The following FSTL5 variants were observed in gnomAD, a reference collection of about 807,000 sequenced individuals.
FSTL5 encodes the protein follistatin like 5.
In FSTL5, 62 loss-of-function variants were observed where a neutral mutation model predicts 89.1. The ratio of observed to expected loss-of-function variants is 0.70; its 90% CI spans 0.57 to 0.86. FSTL5 has a LOEUF of 0.86. Among genes scored for constraint, FSTL5 ranks in the 40% least tolerant of loss-of-function variants. FSTL5 has a pLI of 0.00. For missense variants in FSTL5, 1,057 were observed against 1,001.6 expected (o/e 1.06, Z -0.75); for synonymous variants, 383 against 346.2 (o/e 1.11, Z -1.18).
intron 8 of FSTL5, among the ~76,000 whole-genome samples, chr4:161,563,004 G>A (rs1484737397): frequency 6.6e-6 from 1 of 151,942 alleles, no homozygotes; most frequent in Non-Finnish European, 1.5e-5. Context: ...TCTGAAGGAT[G>A]TAACAACAAC....
chr4:161,870,206 ATG>A (rs1732218205), intron 4 of FSTL5, among the ~76,000 whole-genome samples: 1 of 152,206 alleles, frequency 6.6e-6, no homozygotes, highest in African/African-American at 2.4e-5. Flanking sequence ...AACACAGTAT[ATG>A]GCATATATAA....
intron 15 of FSTL5, among the ~76,000 whole-genome samples, chr4:161,398,690 G>T (rs1054903153): frequency 6.6e-6 from 1 of 152,046 alleles, no homozygotes; most frequent in Non-Finnish European, 1.5e-5. Context: ...TAATTTTAAA[G>T]AGTGCTCAAT....
chr4:161,682,975 G>T (rs1475905974), intron 6 of FSTL5, among the ~76,000 whole-genome samples: 1 of 152,060 alleles, frequency 6.6e-6, no homozygotes, highest in East Asian at 1.9e-4. Flanking sequence ...TCGAACTCCT[G>T]ACCTCGTGAT....
chr4:161,577,599 G>C (rs1252751563), intron 8 of FSTL5, among the ~76,000 whole-genome samples: 1 of 151,890 alleles, frequency 6.6e-6, no homozygotes, highest in East Asian at 1.9e-4. Flanking sequence ...AAGGATACGA[G>C]AAGTTGGAAT....
At chr4:161,407,721 T>C (rs1731434890) in intron 15 of FSTL5, among the ~76,000 whole-genome samples, 1 of 152,160 alleles carries the variant, frequency 6.6e-6, no homozygotes, top group East Asian at 1.9e-4. Flanking sequence ...TGCTTCCCCA[T>C]GGGACTGGGA....
intron 1 of FSTL5, among the ~76,000 whole-genome samples, chr4:162,138,609 A>G (rs1048735281): frequency 6.6e-6 from 1 of 152,128 alleles, no homozygotes; most frequent in Non-Finnish European, 1.5e-5. Context: ...CATACTGTTT[A>G]GGATTGTACT....
chr4:161,540,474 C>A (rs528331114), intron 9 of FSTL5, among the ~76,000 whole-genome samples: 3 of 152,106 alleles, frequency 2.0e-5, no homozygotes, highest in African/African-American at 4.8e-5. Context: ...AGAAAGCAAC[C>A]TCAAAACTTT....
chr4:161,858,623 T>C (rs1236303802), intron 4 of FSTL5, among the ~76,000 whole-genome samples: 1 of 152,342 alleles, frequency 6.6e-6, no homozygotes, highest in African/African-American at 2.4e-5. Flanking sequence ...GAAATGGTAA[T>C]TCTAATTCTT....
chr4:162,048,660 A>G (rs989699825), intron 2 of FSTL5, among the ~76,000 whole-genome samples: 1 of 152,026 alleles, frequency 6.6e-6, no homozygotes, highest in Non-Finnish European at 1.5e-5. Context: ...TTATAAGTAT[A>G]TTATTATTCC....
Position 162,072,008 on chromosome 4 carries a change from C to G in FSTL5, c.127-38350G>C, listed in dbSNP as rs944728669. Among the ~76,000 whole-genome samples the G allele has an allele frequency of 7.9e-5, 12 of 151,668 alleles. No individual in the cohort carries two copies. In the Admixed American group the frequency reaches 7.9e-4, roughly 10 times the overall value. Reference sequence around the variant, plus strand: ...CATCAGTTATGATAAAATGGTATCACTGCTTATATATTAGATGTGTCATTG... The same window carrying G: ...CATCAGTTATGATAAAATGGTATCAGTGCTTATATATTAGATGTGTCATTG... On this transcript the variant is annotated intron_variant, in intron 2 of 15. Transcript: ENST00000306100.
intron 6 of FSTL5, among the ~76,000 whole-genome samples, chr4:161,688,859 A>G (rs1024931499): frequency 2.0e-5 from 3 of 152,100 alleles, no homozygotes; most frequent in Non-Finnish European, 4.4e-5. Context: ...ATCCTTTTTA[A>G]TTGGAATTTT....
intron 3 of FSTL5, among the ~76,000 whole-genome samples, chr4:161,961,020 A>G (rs1735159696): frequency 2.0e-5 from 3 of 152,152 alleles, no homozygotes; most frequent in African/African-American, 7.2e-5. Context: ...TTTAATTTAT[A>G]CTATTTTAAT....
At position 162,044,407 on chromosome 4, in the gene FSTL5, C is replaced by T. The variant is rs114561512; in HGVS notation, c.127-10749G>A. Reference sequence around the variant, plus strand: ...AGCTTAAAATATTCAGTAAACCATGCGGTAAACAGGTGTGCTATCATACAG... The same window carrying T: ...AGCTTAAAATATTCAGTAAACCATGTGGTAAACAGGTGTGCTATCATACAG... On this transcript the variant is annotated intron_variant, in intron 2 of 15. Coordinates refer to ENST00000306100, the MANE Select transcript of FSTL5 (RefSeq NM_020116.5). Among the ~76,000 whole-genome samples the T allele has an allele frequency of 3.6e-3, 541 of 152,180 alleles. 3 individuals are homozygous for T. Among genetic ancestry groups the T allele is most frequent in the African/African-American group, 0.013 (521 of 41,524 alleles).
chr4:161,927,851 A>G (rs2110884776), intron 3 of FSTL5, among the ~76,000 whole-genome samples: 1 of 151,840 alleles, frequency 6.6e-6, no homozygotes, highest in East Asian at 1.9e-4. Flanking sequence ...TTAAATTAAG[A>G]GACTGTTTTT....
chr4:161,752,142 G>A (rs1470525343), intron 6 of FSTL5, among the ~76,000 whole-genome samples: 1 of 152,056 alleles, frequency 6.6e-6, no homozygotes, highest in Admixed American at 6.6e-5. Flanking sequence ...GACACATTAT[G>A]ATGTATAAAT....
In FSTL5 at chr4:161,394,152, G is replaced by A. The variant is rs1730922350; in HGVS notation, c.1842-7703C>T. On this transcript the variant is annotated intron_variant, in intron 15 of 15. Coordinates refer to ENST00000306100, the MANE Select transcript of FSTL5 (RefSeq NM_020116.5). Reference sequence around the variant, plus strand: ...AAAAATTGTATCAACTTTGCAAGTGGGGAACATAAATTGTTTTAACTTTTG... The same window carrying A: ...AAAAATTGTATCAACTTTGCAAGTGAGGAACATAAATTGTTTTAACTTTTG... Among the ~76,000 whole-genome samples, 3 of 152,048 alleles carry A rather than the reference G, an allele frequency of 2.0e-5. No individual in the cohort carries two copies. The South Asian group carries it at 6.2e-4, about 31-fold the overall frequency.
intron 6 of FSTL5, among the ~76,000 whole-genome samples, chr4:161,704,267 C>T (rs921396578): frequency 6.6e-6 from 1 of 152,120 alleles, no homozygotes; most frequent in African/African-American, 2.4e-5. Context: ...AGTTGTCCCG[C>T]CTTTCCAGAT....
intron 7 of FSTL5, among the ~76,000 whole-genome samples, chr4:161,655,118 T>A (rs1341542788): frequency 6.6e-6 from 1 of 152,100 alleles, no homozygotes; most frequent in Non-Finnish European, 1.5e-5. Context: ...GCAAAAAGTG[T>A]CTTTATTGTC....
intron 3 of FSTL5, among the ~76,000 whole-genome samples, chr4:161,921,172 C>T (rs560258010): frequency 1.3e-5 from 2 of 152,122 alleles, no homozygotes; most frequent in Non-Finnish European, 2.9e-5. Context: ...GTAATGTATG[C>T]ATACAAGGCA....
Sources: allele counts gnomAD v4.1 joint callset (sites outside exome capture counted in the v4.1 genomes callset), GRCh38; gene constraint gnomAD v4.1.1; transcripts MANE v1.5; gene names NCBI Gene and HGNC (gene_info 2026-07-23, HGNC 2026-07-21).